KCNH7: variants seen among roughly 807,000 people sequenced by gnomAD.
The protein encoded by KCNH7 is voltage-gated inwardly rectifying potassium channel KCNH7.
Under a neutral mutation model 120.8 loss-of-function variants are expected in KCNH7, and 49 were observed. The ratio of observed to expected loss-of-function variants is 0.41; its 90% CI spans 0.32 to 0.51. KCNH7 has a LOEUF of 0.51. KCNH7 is among the 20% of genes least tolerant of loss of function. KCNH7 has a pLI of 0.38. For missense variants in KCNH7, 1,097 were observed against 1,446.6 expected (o/e 0.76, Z 3.92); for synonymous variants, 547 against 516.1 (o/e 1.06, Z -0.81).
chr2:162,793,302 G>A (rs1684024181), intron 2 of KCNH7, among the ~76,000 whole-genome samples: 2 of 151,994 alleles, frequency 1.3e-5, no homozygotes, highest in Admixed American at 1.3e-4. Context: ...ATTGGAGGGT[G>A]TGGTGTAGGA....
At chr2:162,561,052 C>CTT (rs58710467) in intron 2 of KCNH7, among the ~76,000 whole-genome samples, 2 of 148,384 alleles carry the variant, frequency 1.3e-5, no homozygotes, top group Non-Finnish European at 3.0e-5. Context: ...ATGAAATAAC[C>CTT]TTTTTTTTTT....
At chr2:162,551,294 G>A (rs1692660044) in intron 2 of KCNH7, among the ~76,000 whole-genome samples, 1 of 152,108 alleles carries the variant, frequency 6.6e-6, no homozygotes, top group African/African-American at 2.4e-5. Context: ...ACCACAATGT[G>A]TTTACAAGAA....
At chr2:162,546,654 C>G (rs1291893230) in intron 2 of KCNH7, among the ~76,000 whole-genome samples, 3 of 152,074 alleles carry the variant, frequency 2.0e-5, no homozygotes, top group African/African-American at 7.2e-5. Context: ...CGAAAGGAAC[C>G]ATACATTGTG....
chr2:162,552,254 A>G (rs1201023710), intron 2 of KCNH7, among the ~76,000 whole-genome samples: 1 of 152,172 alleles, frequency 6.6e-6, no homozygotes, highest in Non-Finnish European at 1.5e-5. Flanking sequence ...TTGCCCAAAT[A>G]TATCTGGTTC....
intron 2 of KCNH7, among the ~76,000 whole-genome samples, chr2:162,807,903 C>T (rs538905999): frequency 1.3e-5 from 2 of 152,068 alleles, no homozygotes; most frequent in African/African-American, 2.4e-5. Flanking sequence ...AGGCTGGTCT[C>T]GAACTCCTGA....
At chr2:162,760,079 T>C (rs1452607337) in intron 2 of KCNH7, among the ~76,000 whole-genome samples, 2 of 152,164 alleles carry the variant, frequency 1.3e-5, no homozygotes, top group African/African-American at 4.8e-5. Flanking sequence ...ACATAATTTC[T>C]TAATGCTATG....
chr2:162,508,996 G>T (rs1690976567), intron 5 of KCNH7, among the ~76,000 whole-genome samples: 1 of 151,368 alleles, frequency 6.6e-6, no homozygotes, highest in African/African-American at 2.4e-5. Context: ...GGATGACCAG[G>T]TTACATTTTT....
chr2:162,748,976 T>G, intron 2 of KCNH7, among the ~76,000 whole-genome samples: 1 of 139,608 alleles, frequency 7.2e-6, no homozygotes, highest in African/African-American at 2.7e-5. Context: ...CCTTCCTTCC[T>G]TCCTTCCTTC....
chr2:162,661,158 G>A (rs1050650906), intron 2 of KCNH7, among the ~76,000 whole-genome samples: 3 of 152,176 alleles, frequency 2.0e-5, no homozygotes, highest in Non-Finnish European at 4.4e-5. Flanking sequence ...ACCGTACAGT[G>A]TTATAGCTCA....
intron 2 of KCNH7, among the ~76,000 whole-genome samples, chr2:162,628,403 G>A (rs1386999360): frequency 1.3e-5 from 2 of 152,084 alleles, no homozygotes; most frequent in Non-Finnish European, 2.9e-5. Context: ...GTCTCTCTAT[G>A]TGGGGTGAGG....
At chr2:162,448,212 A>G (rs562447446) in intron 6 of KCNH7, among the ~76,000 whole-genome samples, 1 of 152,232 alleles carries the variant, frequency 6.6e-6, no homozygotes, top group South Asian at 2.1e-4. Context: ...TTAGAAGTAC[A>G]GATTAATAGA....
chr2:162,715,322 TGA>T (rs1687073959), intron 2 of KCNH7, among the ~76,000 whole-genome samples: 1 of 152,114 alleles, frequency 6.6e-6, no homozygotes, highest in South Asian at 2.1e-4. Context: ...GACCAGATCT[TGA>T]GAGAGCTCAC....
chr2:162,629,038 C>A (rs1375537468), intron 2 of KCNH7, among the ~76,000 whole-genome samples: 2 of 152,072 alleles, frequency 1.3e-5, no homozygotes, highest in Non-Finnish European at 2.9e-5. Flanking sequence ...CCACCCCCAC[C>A]CACACCATCA....
intron 2 of KCNH7, among the ~76,000 whole-genome samples, chr2:162,544,888 T>A (rs1692426795): frequency 6.6e-6 from 1 of 152,116 alleles, no homozygotes; most frequent in Admixed American, 6.5e-5. Context: ...TAGGACTTTT[T>A]AAAAATAAGG....
chr2:162,454,781 T>A (rs1558954052), intron 6 of KCNH7, among the ~76,000 whole-genome samples: 2 of 152,154 alleles, frequency 1.3e-5, no homozygotes, highest in African/African-American at 2.4e-5. Context: ...TTTTGCACAT[T>A]GATTTTGTAT....
intron 2 of KCNH7, among the ~76,000 whole-genome samples, chr2:162,750,174 G>A (rs1038617869): frequency 4.6e-4 from 61 of 131,706 alleles, no homozygotes; most frequent in Admixed American, 3.8e-3. Flanking sequence ...AACACACATC[G>A]GCATTAGCTT....
chr2:162,744,868 C>T (rs1225715520), intron 2 of KCNH7, among the ~76,000 whole-genome samples: 3 of 152,138 alleles, frequency 2.0e-5, no homozygotes, highest in African/African-American at 7.2e-5. Flanking sequence ...CCACCGCGCC[C>T]GGCCGACAGA....
intron 10 of KCNH7, 45 bp from the exon 11 acceptor site, chr2:162,396,990 C>T (rs1293861096): frequency 3.9e-6 from 5 of 1,286,364 alleles, no homozygotes; most frequent in Non-Finnish European, 4.4e-6. Flanking sequence ...GGAATCCAAA[C>T]TCAATGTTCT....
intron 9 of KCNH7, among the ~76,000 whole-genome samples, chr2:162,419,974 A>T (rs1455404454): frequency 6.6e-6 from 1 of 152,142 alleles, no homozygotes; most frequent in Non-Finnish European, 1.5e-5. Flanking sequence ...ATATCTCTTC[A>T]CTCCTAACTA....
Sources: allele counts gnomAD v4.1 joint callset (sites outside exome capture counted in the v4.1 genomes callset), GRCh38; gene constraint gnomAD v4.1.1; transcripts MANE v1.5; gene names NCBI Gene and HGNC (gene_info 2026-07-23, HGNC 2026-07-21).